The following POLR2B variants were observed in gnomAD, a reference collection of about 807,000 sequenced individuals.
The protein encoded by POLR2B is RNA polymerase II subunit B, also known as DNA-directed RNA polymerase II subunit RPB2.
In POLR2B, 57 loss-of-function variants were observed where a neutral mutation model predicts 144.6. The ratio of observed to expected loss-of-function variants is 0.39; its 90% CI spans 0.32 to 0.49. POLR2B has a LOEUF of 0.49. POLR2B is among the 20% of genes least tolerant of loss of function. The pLI is 0.83. For synonymous variants in POLR2B, 442 were observed against 469.8 expected, an observed-to-expected ratio of 0.94 and a Z score of 0.77; for missense variants, 595 against 1,467.4, an observed-to-expected ratio of 0.41 and a Z score of 9.71.
At chr4:57,011,980 G>A (rs1434523949) in intron 13 of POLR2B, among the ~76,000 whole-genome samples, 6 of 152,126 alleles carry the variant, frequency 3.9e-5, no homozygotes, top group African/African-American at 1.2e-4. Context: ...CTTTTTAAAA[G>A]GGAATAACCA....
chr4:57,000,773 A>G (rs1011624171), intron 7 of POLR2B, among the ~76,000 whole-genome samples: 3 of 150,932 alleles, frequency 2.0e-5, no homozygotes, highest in African/African-American at 7.3e-5. Flanking sequence ...TCGGCTCACC[A>G]CAACCTCCGT....
At chr4:56,987,314 A>G (rs548176289) in intron 2 of POLR2B, among the ~76,000 whole-genome samples, 1 of 152,322 alleles carries the variant, frequency 6.6e-6, no homozygotes, top group South Asian at 2.1e-4. Context: ...AATGTAATAA[A>G]ATTACGAGAA....
rs542738138 is a variant in POLR2B at position 57,019,897 on chromosome 4, A to G, written c.2324-1002A>G. 2.0e-5 allele frequency among the ~76,000 whole-genome samples: 3 copies of G among 152,050 alleles called. No individual in the cohort carries two copies. The South Asian group carries it at 6.2e-4, about 32-fold the overall frequency. ...GGTTCTTTAGTTTCCTTAATCTAGA[A>G]CAGTTTCTCAGTCTTTCCTTGTCTT... On this transcript the variant is annotated intron_variant, in intron 16 of 24. Transcript: ENST00000314595.
At chr4:56,982,349 AG>A (rs535604317) in intron 1 of POLR2B, among the ~76,000 whole-genome samples, 1 of 152,048 alleles carries the variant, frequency 6.6e-6, no homozygotes, top group Admixed American at 6.6e-5. Context: ...AATATTAAAA[AG>A]CTTGAGGCCA....
intron 23 of POLR2B, among the ~76,000 whole-genome samples, 162 bp from the exon 24 acceptor site, chr4:57,030,042 G>A (rs887047762): frequency 1.3e-5 from 2 of 152,034 alleles, no homozygotes; most frequent in Non-Finnish European, 2.9e-5. Flanking sequence ...TCAAATAGTT[G>A]GTAGACTTCT....
At chr4:56,995,598 C>T (rs1247673114) in intron 6 of POLR2B, among the ~76,000 whole-genome samples, 189 bp downstream of exon 6, 1 of 152,200 alleles carries the variant, frequency 6.6e-6, no homozygotes, top group Non-Finnish European at 1.5e-5. Flanking sequence ...TTCTGTGAGT[C>T]AGGAATCTGG....
chr4:57,008,232 T>A (rs906152733), intron 10 of POLR2B, among the ~76,000 whole-genome samples: 2 of 137,794 alleles, frequency 1.5e-5, no homozygotes, highest in African/African-American at 5.5e-5. Flanking sequence ...TGAGACAGAG[T>A]CTTGCTGTCT....
intron 10 of POLR2B, among the ~76,000 whole-genome samples, chr4:57,008,777 G>C (rs1038784863): frequency 6.6e-6 from 1 of 152,180 alleles, no homozygotes; most frequent in Non-Finnish European, 1.5e-5. Flanking sequence ...CTTGGAAAAC[G>C]CCCAAGTTGC....
intron 1 of POLR2B, among the ~76,000 whole-genome samples, chr4:56,982,141 T>A (rs1722173299): frequency 6.6e-6 from 1 of 152,194 alleles, no homozygotes; most frequent in Admixed American, 6.5e-5. Flanking sequence ...ATCTGGGGTA[T>A]CTAACTGCCA....
In POLR2B at chr4:57,031,080, G is replaced by A; in HGVS notation, c.*92G>A. 1.2e-6 allele frequency: 1 copy of A among 814,620 alleles called. No individual in the cohort carries two copies. Among genetic ancestry groups the A allele is most frequent in the Non-Finnish European group, 2.1e-6 (1 of 480,112 alleles). The allele number at this position is 814,620 out of a possible 1,614,324, so 50.5% of individuals were successfully genotyped here. ...AAAAATGACAAATATGTACTGTGTT[G>A]TGATAAAAAGTATTTTATTTGTTTA... On this transcript the variant is annotated 3_prime_UTR_variant, in exon 25 of 25. Transcript: ENST00000314595.
chr4:57,006,298 C>A (rs537502651), intron 9 of POLR2B, among the ~76,000 whole-genome samples: 2 of 152,090 alleles, frequency 1.3e-5, no homozygotes, highest in Non-Finnish European at 2.9e-5. Context: ...CACTAAGGAG[C>A]CTCTTTTAAC....
At chr4:56,997,274 T>G (rs865975293) in intron 6 of POLR2B, among the ~76,000 whole-genome samples, 1 of 151,818 alleles carries the variant, frequency 6.6e-6, no homozygotes, top group Admixed American at 6.6e-5. Context: ...TTTTTTTTTT[T>G]CTGAGACAGG....
Position 56,994,446 on chromosome 4 carries a change from C to A in POLR2B, c.286C>A (p.Pro96Thr). ...GTTTGAACAAATTTATCTTTCCAAG[C>A]CTACCCATTGGGAAAGAGATGGTGC... ...LKFEQIYLSKPTHWERDGAPS... is the reference protein window; with the variant it reads ...LKFEQIYLSKTTHWERDGAPS... The change falls in exon 4 of 25, where the codon CCT becomes ACT. Residue 96 changes from proline (P) to threonine (T), a missense_variant. Transcript: ENST00000314595. 1.2e-6 allele frequency: 2 copies of A among 1,608,328 alleles called. No individual in the cohort carries two copies. The highest frequency in any genetic ancestry group is 1.7e-6 in the Non-Finnish European group (2 of 1,174,858).
intron 3 of POLR2B, among the ~76,000 whole-genome samples, chr4:56,993,975 T>G (rs1485275895): frequency 6.6e-6 from 1 of 152,234 alleles, no homozygotes; most frequent in Non-Finnish European, 1.5e-5. Flanking sequence ...AAATCCATTT[T>G]AACTGTTTCA....
At chr4:57,004,791 T>G (rs1193419099) in intron 7 of POLR2B, among the ~76,000 whole-genome samples, 1 of 152,164 alleles carries the variant, frequency 6.6e-6, no homozygotes. Context: ...TTCAAGCGAT[T>G]CTCTCACTTT....
intron 6 of POLR2B, among the ~76,000 whole-genome samples, chr4:56,996,918 C>G (rs1005172602): frequency 2.6e-5 from 4 of 151,956 alleles, no homozygotes; most frequent in Non-Finnish European, 5.9e-5. Flanking sequence ...AACACTTTCT[C>G]TAGCAAAACA....
intron 2 of POLR2B, among the ~76,000 whole-genome samples, chr4:56,988,609 T>C (rs542092397): frequency 6.6e-6 from 1 of 152,332 alleles, no homozygotes; most frequent in South Asian, 2.1e-4. Context: ...AACATCTGTA[T>C]TCCCTGCCAT....
At chr4:57,016,715 A>C (rs1469713782) in intron 14 of POLR2B, among the ~76,000 whole-genome samples, 11 of 149,774 alleles carry the variant, frequency 7.3e-5, no homozygotes, top group Non-Finnish European at 1.3e-4. Flanking sequence ...ACTAATATAA[A>C]AATCATTCAA....
rs569151001 is a variant in POLR2B, at chr4:57,017,411, G to A, written c.2155-149G>A. ...CTGTTGTGTTTCATGGTTAAGAGCC[G>A]TAATTGATTATTCCAAATGGTTATT... On this transcript the variant is annotated intron_variant, in intron 15 of 24. Coordinates refer to ENST00000314595, the MANE Select transcript of POLR2B (RefSeq NM_000938.3). This position sits in a 1 kb window ranked among gnomAD's most constrained non-coding sequence, Gnocchi z 4.8. 1.7e-4 allele frequency: 133 copies of A among 773,194 alleles called. No homozygotes were observed. The African/African-American group carries it at 2.1e-3, about 12-fold the overall frequency. The allele number at this position is 773,194 out of a possible 1,614,324, so 47.9% of individuals were successfully genotyped here. A position where few individuals can be genotyped will look rare whatever the true frequency, so the allele number is the denominator to read the frequency against.
Sources: allele counts gnomAD v4.1 joint callset (sites outside exome capture counted in the v4.1 genomes callset), GRCh38; gene constraint gnomAD v4.1.1; non-coding constraint Gnocchi (gnomAD v3.1); transcripts MANE v1.5; gene names NCBI Gene and HGNC (gene_info 2026-07-23, HGNC 2026-07-21).